The following ALLC variants were observed in gnomAD, a reference collection of about 807,000 sequenced individuals.
The protein encoded by ALLC is probable inactive allantoicase.
ALLC carries 40 observed loss-of-function variants against 45.0 expected under a neutral mutation model. The observed-to-expected ratio is 0.89, with a 90% CI of 0.69 to 1.16. The LOEUF is 1.16. Ranked by LOEUF, ALLC falls within the 50% of genes most tolerant of loss-of-function variation. The probability of loss-of-function intolerance (pLI) is 0.00; values close to 1 mark genes in which losing one functional copy is unlikely to be tolerated. For synonymous variants in ALLC, 176 were observed against 178.1 expected (o/e 0.99, Z 0.09); for missense variants, 488 against 493.1 (o/e 0.99, Z 0.10).
intron 1 of ALLC, among the ~76,000 whole-genome samples, chr2:3,663,457 T>C (rs1265974219): frequency 6.6e-6 from 1 of 152,102 alleles, no homozygotes; most frequent in Admixed American, 6.6e-5. Flanking sequence ...TGATGAAGAA[T>C]AGCTAATGGG....
In ALLC at chr2:3,666,899, G is replaced by A. The variant is rs1303911561; in HGVS notation, c.-62-4197G>A. On this transcript the variant is annotated intron_variant, in intron 1 of 11. Coordinates refer to ENST00000252505, the MANE Select transcript of ALLC (RefSeq NM_018436.4). Reference sequence around the variant, plus strand: ...GTTCCACACCTGTGCTGCTCAGCAGGGAGGCCGCAGGTGCCTAGGGAGCAC... The same window carrying A: ...GTTCCACACCTGTGCTGCTCAGCAGAGAGGCCGCAGGTGCCTAGGGAGCAC... 4.6e-5 allele frequency among the ~76,000 whole-genome samples: 7 copies of A among 152,320 alleles called. No homozygotes were observed. The South Asian group carries it at 1.2e-3, about 27-fold the overall frequency.
At chr2:3,684,746 C>G (rs770922664) in intron 7 of ALLC, among the ~76,000 whole-genome samples, 1 of 152,090 alleles carries the variant, frequency 6.6e-6, no homozygotes, top group Non-Finnish European at 1.5e-5. Context: ...CTTTTTATGG[C>G]TGCATAGTAT....
intron 7 of ALLC, among the ~76,000 whole-genome samples, chr2:3,684,453 AG>A (rs1667274224): frequency 6.6e-6 from 1 of 152,160 alleles, no homozygotes; most frequent in East Asian, 1.9e-4. Flanking sequence ...TTGGGGGAAC[AG>A]GTGGTGTTTG....
chr2:3,661,082 T>G (rs1209366922), intron 1 of ALLC, among the ~76,000 whole-genome samples: 1 of 152,184 alleles, frequency 6.6e-6, no homozygotes, highest in African/African-American at 2.4e-5. Flanking sequence ...CGGACTCATC[T>G]GCATTCACAA....
At chr2:3,671,232 C>T (rs546978029) in intron 2 of ALLC, 42 bp downstream of exon 2, 23 of 1,594,080 alleles carry the variant, frequency 1.4e-5, no homozygotes, top group African/African-American at 6.7e-5. Context: ...TGAAGGCATC[C>T]GTGCTAAGGG....
chr2:3,675,337 C>T (rs1175607988), intron 3 of ALLC, among the ~76,000 whole-genome samples: 1 of 149,222 alleles, frequency 6.7e-6, no homozygotes, highest in Non-Finnish European at 1.5e-5. Flanking sequence ...TTGCAGTGAG[C>T]CATCATCATG....
upstream of ALLC, among the ~76,000 whole-genome samples, chr2:3,654,836 G>T (rs1001761857): frequency 6.6e-6 from 1 of 152,258 alleles, no homozygotes; most frequent in South Asian, 2.1e-4. Flanking sequence ...CCTGGAAGGC[G>T]CAGAAAGAGG....
intron 1 of ALLC, among the ~76,000 whole-genome samples, chr2:3,661,278 G>A (rs1281750721): frequency 6.8e-6 from 1 of 147,688 alleles, no homozygotes; most frequent in Non-Finnish European, 1.5e-5. Context: ...TCTGCTCCTG[G>A]CTCATGGTAC....
chr2:3,677,577 A>G (rs112770330), intron 3 of ALLC, among the ~76,000 whole-genome samples: 1,860 of 152,272 alleles, frequency 0.012, 27 homozygotes, highest in Middle Eastern at 0.058. Flanking sequence ...ACAGAGGAGG[A>G]GCACTGAGGC....
intron 10 of ALLC, among the ~76,000 whole-genome samples, chr2:3,698,986 A>G (rs920554796): frequency 3.3e-5 from 5 of 152,182 alleles, no homozygotes; most frequent in Non-Finnish European, 7.4e-5. Flanking sequence ...AAGTCTTGGT[A>G]ATTTTAACTT....
intron 1 of ALLC, among the ~76,000 whole-genome samples, chr2:3,667,305 G>A (rs1039733612): frequency 4.6e-5 from 7 of 152,212 alleles, no homozygotes; most frequent in African/African-American, 9.6e-5. Flanking sequence ...ACTGCACCAC[G>A]AGCCGCTGAA....
chr2:3,673,450 C>T (rs1666945405), intron 2 of ALLC, among the ~76,000 whole-genome samples: 1 of 152,244 alleles, frequency 6.6e-6, no homozygotes, highest in African/African-American at 2.4e-5. Context: ...CTCGTCCTTC[C>T]TGCCTTTCGA....
upstream of ALLC, among the ~76,000 whole-genome samples, chr2:3,655,829 A>C (rs1666425150): frequency 6.6e-6 from 1 of 152,130 alleles, no homozygotes; most frequent in Non-Finnish European, 1.5e-5. Flanking sequence ...GGCCTCTTGC[A>C]GCTGGAGCCA....
intron 10 of ALLC, among the ~76,000 whole-genome samples, chr2:3,697,665 ATC>A (rs1294548662): frequency 7.0e-6 from 1 of 143,354 alleles, no homozygotes; most frequent in Non-Finnish European, 1.5e-5. Flanking sequence ...CTATCTATCT[ATC>A]TTTTATTTAT....
intron 7 of ALLC, among the ~76,000 whole-genome samples, chr2:3,691,999 C>G (rs143726340): frequency 0.015 from 2,217 of 152,312 alleles, 52 homozygotes; most frequent in African/African-American, 0.05. Flanking sequence ...TGATAAACTT[C>G]TAAGCTGCTT....
In ALLC at chr2:3,683,015, A is replaced by G. The variant is rs1558542577; in HGVS notation, c.452A>G (p.Asn151Ser). ...LKPGNPASGH[N>S]YFLVNSQQRW... ...CCAGGAAACCCTGCTTCCGGCCACAACTATTTTCTTGTCAATTCCCAGCAG... is the reference window on the plus strand; with the variant it reads ...CCAGGAAACCCTGCTTCCGGCCACAGCTATTTTCTTGTCAATTCCCAGCAG... The change falls in exon 7 of 12, where the codon AAC becomes AGC. Residue 151 changes from asparagine (N) to serine (S), a missense_variant. Physicochemically the swap from Asn to Ser is conservative, Grantham distance 46. Transcript: ENST00000252505. 2.5e-6 allele frequency: 4 copies of G among 1,614,004 alleles called. No individual in the cohort carries two copies. Among genetic ancestry groups the G allele is most frequent in the Non-Finnish European group, 3.4e-6 (4 of 1,179,888 alleles).
At position 3,695,743 on chromosome 2, in the gene ALLC, T is replaced by A; in HGVS notation, c.538T>A (p.Phe180Ile). ...TGGTGGAATTGCACGACTTAGAGTA[T>A]TCGGTACTGGACAAAAAGACTGGAC... Reference protein sequence around the residue: ...PDGGIARLRVFGTGQKDWTAT... With the variant: ...PDGGIARLRVIGTGQKDWTAT... Residue 180 changes from phenylalanine to isoleucine, a missense_variant, in exon 8 of 12, where the codon TTC (phenylalanine) becomes ATC (isoleucine). Physicochemically the swap from Phe to Ile is conservative, Grantham distance 21 (BLOSUM62 0). Transcript: ENST00000252505. 6.2e-7 allele frequency: 1 copy of A among 1,614,022 alleles called. No individual in the cohort carries two copies. The highest frequency in any genetic ancestry group is 8.5e-7 in the Non-Finnish European group (1 of 1,179,886).
rs768540579 is a variant in ALLC, at chr2:3,701,505, C to T, written c.851-7C>T. On this transcript the variant is annotated splice_region_variant and splice_polypyrimidine_tract_variant and intron_variant, in intron 10 of 11. Coordinates refer to ENST00000252505, the MANE Select transcript of ALLC (RefSeq NM_018436.4). The stretch of plus-strand genomic sequence containing the variant: ...GCAGAAAATCACGCTGTGTTTTGCT[C>T]CAACAGGCAATGCTCCTGACAGCTG... The T allele has an allele frequency of 8.8e-6, 14 of 1,584,500 alleles. No homozygotes were observed. In the Admixed American group the frequency reaches 2.5e-4, roughly 28 times the overall value.
In ALLC at chr2:3,681,587, T is replaced by C. The variant is rs544098837; in HGVS notation, c.299-47T>C. The C allele has an allele frequency of 3.8e-4, 532 of 1,406,376 alleles. 5 individuals carry two copies. The South Asian group carries it at 6.1e-3, about 16-fold the overall frequency. The allele number at this position is 1,406,376 out of a possible 1,614,324, so 87.1% of individuals were successfully genotyped here. Reference sequence around the variant, plus strand: ...AACCACCAAGAGAGTAGATTCCCTTTGATTTTGAACCCTAATCTTAATCCT... The same window carrying C: ...AACCACCAAGAGAGTAGATTCCCTTCGATTTTGAACCCTAATCTTAATCCT... On this transcript the variant is annotated intron_variant, in intron 5 of 11. Coordinates refer to ENST00000252505, the MANE Select transcript of ALLC (RefSeq NM_018436.4).
Sources: gnomAD v4.1 joint callset for allele counts (sites outside exome capture counted in the v4.1 genomes callset) on GRCh38, gnomAD v4.1.1 for gene constraint, MANE v1.5 for transcripts, NCBI Gene and HGNC (gene_info 2026-07-23, HGNC 2026-07-21) for gene names.